EPHB1: variants seen among roughly 807,000 people sequenced by gnomAD.
EPHB1 encodes the protein EPH receptor B1, also known as ephrin type-B receptor 1.
In EPHB1, 30 loss-of-function variants were observed where a neutral mutation model predicts 94.4. That is an observed-to-expected ratio of 0.32 (90% CI 0.24 to 0.43). The LOEUF is 0.43. EPHB1 is among the 20% of genes least tolerant of loss of function. The probability of loss-of-function intolerance (pLI) is 1.00; values close to 1 mark genes in which losing one functional copy is unlikely to be tolerated. For synonymous variants in EPHB1, 522 were observed against 489.1 expected (o/e 1.07, Z -0.89); for missense variants, 1,055 against 1,308.3 (o/e 0.81, Z 2.99).
chr3:135,157,560 C>T (rs1576433724), intron 6 of EPHB1, among the ~76,000 whole-genome samples: 1 of 152,236 alleles, frequency 6.6e-6, no homozygotes, highest in African/African-American at 2.4e-5. Context: ...AGCTTCCACA[C>T]CTCAGTGAAG....
intron 1 of EPHB1, among the ~76,000 whole-genome samples, chr3:134,875,367 A>G (rs568344379): frequency 1.4e-4 from 22 of 152,272 alleles, no homozygotes; most frequent in African/African-American, 5.3e-4. Flanking sequence ...GATTGGGCAG[A>G]TGGAGGCACT....
chr3:135,023,078 G>C (rs911184973), intron 3 of EPHB1, among the ~76,000 whole-genome samples: 2 of 152,138 alleles, frequency 1.3e-5, no homozygotes, highest in African/African-American at 4.8e-5. Flanking sequence ...TCCTTCATTG[G>C]TTATCTGGTT....
At chr3:134,904,107 GCC>G (rs2038263481) in intron 1 of EPHB1, among the ~76,000 whole-genome samples, 1 of 152,136 alleles carries the variant, frequency 6.6e-6, no homozygotes, top group Non-Finnish European at 1.5e-5. Context: ...GGATCCCCCA[GCC>G]CTGGAAAGGA....
At chr3:134,970,534 A>G (rs1578241236) in intron 3 of EPHB1, among the ~76,000 whole-genome samples, 1 of 152,106 alleles carries the variant, frequency 6.6e-6, no homozygotes, top group Non-Finnish European at 1.5e-5. Flanking sequence ...TATGATGTGT[A>G]TTGTCTGTCT....
intron 3 of EPHB1, among the ~76,000 whole-genome samples, chr3:135,020,026 T>A (rs1935934149): frequency 6.6e-6 from 1 of 152,244 alleles, no homozygotes; most frequent in African/African-American, 2.4e-5. Flanking sequence ...CCCAGCACCT[T>A]CATCCGCATT....
intron 5 of EPHB1, among the ~76,000 whole-genome samples, chr3:135,135,211 C>T (rs970592122): frequency 4.6e-5 from 7 of 152,070 alleles, no homozygotes; most frequent in African/African-American, 1.2e-4. Flanking sequence ...AGTTTACACT[C>T]GCTGAGAGAA....
chr3:134,797,292 T>C (rs998684128), intron 1 of EPHB1, among the ~76,000 whole-genome samples: 2 of 152,088 alleles, frequency 1.3e-5, no homozygotes, highest in Non-Finnish European at 2.9e-5. Context: ...CAGGGATGCC[T>C]GGGTTTGACT....
At chr3:135,033,528 A>G (rs991962762) in intron 3 of EPHB1, among the ~76,000 whole-genome samples, 2 of 152,140 alleles carry the variant, frequency 1.3e-5, no homozygotes, top group African/African-American at 4.8e-5. Flanking sequence ...AATAAAATGT[A>G]CACATGCATT....
chr3:134,877,015 C>T (rs1323033409), intron 1 of EPHB1, among the ~76,000 whole-genome samples: 1 of 152,182 alleles, frequency 6.6e-6, no homozygotes, highest in Non-Finnish European at 1.5e-5. Context: ...GGTCCTACAC[C>T]CCATGGGGCC....
chr3:134,853,328 G>T (rs2037032410), intron 1 of EPHB1, among the ~76,000 whole-genome samples: 1 of 152,216 alleles, frequency 6.6e-6, no homozygotes, highest in African/African-American at 2.4e-5. Flanking sequence ...GGGTGCCCCT[G>T]GAGACTCCTC....
intron 1 of EPHB1, among the ~76,000 whole-genome samples, chr3:134,846,041 G>T (rs1259214945): frequency 1.3e-5 from 2 of 152,146 alleles, no homozygotes; most frequent in African/African-American, 4.8e-5. Context: ...CACACCTTTG[G>T]GGAAGTGGGG....
intron 12 of EPHB1, among the ~76,000 whole-genome samples, chr3:135,229,386 G>T (rs548610191): frequency 1.3e-5 from 2 of 152,282 alleles, no homozygotes; most frequent in South Asian, 4.2e-4. Context: ...CAGTTCAGGA[G>T]GCCAGAATTG....
intron 1 of EPHB1, among the ~76,000 whole-genome samples, chr3:134,839,619 A>T (rs2036739968): frequency 6.6e-6 from 1 of 151,690 alleles, no homozygotes; most frequent in African/African-American, 2.4e-5. Flanking sequence ...CCCCAGACTG[A>T]GTCATGACCT....
At chr3:134,986,113 A>G (rs36101) in intron 3 of EPHB1, among the ~76,000 whole-genome samples, 95,928 of 152,112 alleles carry the variant, frequency 0.63, 32,081 homozygotes, top group African/African-American at 0.83. Context: ...GGCTTAGCAC[A>G]TTAGGTCAGG....
intron 1 of EPHB1, among the ~76,000 whole-genome samples, chr3:134,856,215 TG>T (rs2037113233): frequency 6.6e-6 from 1 of 152,152 alleles, no homozygotes; most frequent in African/African-American, 2.4e-5. Flanking sequence ...GACAGGTTTA[TG>T]GGCACGGGTG....
chr3:134,890,924 C>T (rs1281477800), intron 1 of EPHB1, among the ~76,000 whole-genome samples: 1 of 152,088 alleles, frequency 6.6e-6, no homozygotes, highest in Non-Finnish European at 1.5e-5. Context: ...TGCCTTTTTA[C>T]CACCTAAGAC....
intron 2 of EPHB1, among the ~76,000 whole-genome samples, chr3:134,936,312 G>A (rs932532351): frequency 1.3e-5 from 2 of 152,140 alleles, no homozygotes; most frequent in Non-Finnish European, 2.9e-5. Flanking sequence ...GGGGTTGGGG[G>A]ACCAAAGAGC....
chr3:135,015,217 C>T (rs576459990), intron 3 of EPHB1, among the ~76,000 whole-genome samples: 21 of 152,106 alleles, frequency 1.4e-4, no homozygotes, highest in African/African-American at 4.8e-4. Context: ...CAGTGCTTTT[C>T]TCAGTGCTGT....
intron 13 of EPHB1, among the ~76,000 whole-genome samples, chr3:135,244,847 A>G (rs79158021): frequency 1.3e-5 from 2 of 152,214 alleles, no homozygotes; most frequent in Non-Finnish European, 2.9e-5. Flanking sequence ...TCATATACCA[A>G]TGATTGATCT....
Sources: allele counts gnomAD v4.1 joint callset (sites outside exome capture counted in the v4.1 genomes callset), GRCh38; gene constraint gnomAD v4.1.1; transcripts MANE v1.5; gene names NCBI Gene and HGNC (gene_info 2026-07-23, HGNC 2026-07-21).